CACNA2D2: variants seen among roughly 807,000 people sequenced by gnomAD.
CACNA2D2 encodes calcium voltage-gated channel auxiliary subunit alpha2delta 2.
CACNA2D2 carries 48 observed loss-of-function variants against 166.4 expected under a neutral mutation model. That is an observed-to-expected ratio of 0.29 (90% confidence interval 0.23 to 0.37). CACNA2D2 has a LOEUF of 0.37. CACNA2D2 is among the 10% of genes least tolerant of loss of function. The probability of loss-of-function intolerance (pLI) is 1.00; values close to 1 mark genes in which losing one functional copy is unlikely to be tolerated. For synonymous variants in CACNA2D2, 561 were observed against 573.7 expected (o/e 0.98, Z 0.32); for missense variants, 1,122 against 1,433.0 (o/e 0.78, Z 3.50).
intron 2 of CACNA2D2, among the ~76,000 whole-genome samples, chr3:50,451,880 G>A (rs930411136): frequency 1.3e-5 from 2 of 152,146 alleles, no homozygotes; most frequent in South Asian, 4.1e-4. Flanking sequence ...TTTGCAGGTG[G>A]GATACTGGGT....
intron 1 of CACNA2D2, among the ~76,000 whole-genome samples, chr3:50,477,857 G>T (rs1307362595): frequency 5.9e-5 from 9 of 152,120 alleles, no homozygotes; most frequent in Non-Finnish European, 1.2e-4. Flanking sequence ...GGCCAGGACT[G>T]TTCTGGCTCC....
intron 3 of CACNA2D2, among the ~76,000 whole-genome samples, chr3:50,413,468 C>T (rs956660055): frequency 6.6e-6 from 1 of 152,140 alleles, no homozygotes; most frequent in Non-Finnish European, 1.5e-5. Context: ...CAGGAGGCCT[C>T]TGGACCAAGC....
chr3:50,375,616 C>T lies in CACNA2D2; in HGVS notation c.1907+28G>A, dbSNP rs1436969168. On this transcript the variant is annotated intron_variant, in intron 21 of 37. Coordinates refer to ENST00000424201, the MANE Select transcript of CACNA2D2 (RefSeq NM_006030.4). This position sits in a 1 kb window ranked among gnomAD's most constrained non-coding sequence, Gnocchi z 4.0. ...AGATTCTGGGGCCACCCCACCCTCT[C>T]TGCCCGCCCAGCCCTGGCCTCACTT... 3 of 1,607,976 alleles carry T rather than the reference C, an allele frequency of 1.9e-6. No homozygotes were observed. Among genetic ancestry groups the T allele is most frequent in the East Asian group, 2.2e-5 (1 of 44,850 alleles).
At chr3:50,387,428 G>T in intron 5 of CACNA2D2, 140 bp downstream of exon 5, 1 of 742,540 alleles carries the variant, frequency 1.3e-6, no homozygotes. Flanking sequence ...GGGAGTTGTG[G>T]GAGGTGGAAG....
chr3:50,382,160 T>G (rs1317222561), intron 6 of CACNA2D2, among the ~76,000 whole-genome samples: 1 of 152,166 alleles, frequency 6.6e-6, no homozygotes, highest in Non-Finnish European at 1.5e-5. Context: ...TGTTCTCATG[T>G]GTGCAGTGAC....
At chr3:50,368,698 C>T (rs931207419) in intron 23 of CACNA2D2, among the ~76,000 whole-genome samples, 5 of 152,236 alleles carry the variant, frequency 3.3e-5, no homozygotes, top group African/African-American at 7.2e-5. Context: ...CTCACTCACG[C>T]TCTCTGACCC....
rs10575478 is a variant in CACNA2D2, at chr3:50,363,466, CTGTG to C, written c.*1196_*1199del. The C allele has an allele frequency of 9.0e-3, 3,090 of 343,272 alleles. No homozygotes were observed. The highest frequency in any genetic ancestry group is 0.019 in the Middle Eastern group (27 of 1,440). The allele number at this position is 343,272 out of a possible 1,614,324, so 21.3% of individuals were successfully genotyped here. On this transcript the variant is annotated 3_prime_UTR_variant, in exon 38 of 38. Coordinates refer to ENST00000424201, the MANE Select transcript of CACNA2D2 (RefSeq NM_006030.4). ...GTGAAGAGCTGTGCCCAGTCCCCAC[CTGTG>C]TGTGTGTGTGTGTGTGTGTGTTCAG...
At chr3:50,492,583 T>C (rs539606341) in intron 1 of CACNA2D2, among the ~76,000 whole-genome samples, 9 of 152,342 alleles carry the variant, frequency 5.9e-5, no homozygotes, top group East Asian at 5.8e-4. Context: ...CAGTTCTCAC[T>C]GACCCACATC....
Position 50,366,898 on chromosome 3 carries a change from A to G in CACNA2D2, c.2522T>C (p.Leu841Pro), listed in dbSNP as rs587769177. The part of the protein sequence containing the change: ...RPAVVGVKLD[L>P]EAWAEKFKVL... The stretch of plus-strand genomic sequence containing the variant: ...CTTGAACTTCTCAGCCCAAGCCTCT[A>G]GGTCCAGCTTGACGCCCACCACTTT... The change falls in exon 29 of 38, where the codon CTA becomes CCA. Residue 841 changes from leucine (L) to proline (P), a missense_variant. Leu to Pro is a moderately conservative substitution (Grantham distance 98, BLOSUM62 -3). Coordinates refer to ENST00000424201, the MANE Select transcript of CACNA2D2 (RefSeq NM_006030.4). The surrounding 1 kb of genome is among the most constrained non-coding windows in gnomAD (Gnocchi z 5.9). 2 of 1,613,668 alleles carry G rather than the reference A, an allele frequency of 1.2e-6. No homozygotes were observed. The highest frequency in any genetic ancestry group is 1.3e-5 in the African/African-American group (1 of 75,042).
chr3:50,379,579 C>A lies in CACNA2D2; in HGVS notation c.1005G>T (p.Lys335Asn). The change falls in exon 11 of 38, where the codon AAG becomes AAT. Residue 335 changes from lysine (K) to asparagine (N), a missense_variant. This residue lies in a region of CACNA2D2 where 840 missense variants were observed against 1,166.8 expected (regional missense o/e 0.72). Coordinates refer to ENST00000424201, the MANE Select transcript of CACNA2D2 (RefSeq NM_006030.4). The surrounding 1 kb of genome is among the most constrained non-coding windows in gnomAD (Gnocchi z 6.5). ...GTGTGAAGCATGACACAGGCTGTGC[C>A]TTCTCGTTGAACTGCAGGAACAGTA... ...DYVNVASFNE[K>N]AQPVSCFTHL... 6.2e-7 allele frequency: 1 copy of A among 1,613,916 alleles called. No individual in the cohort carries two copies. Among genetic ancestry groups the A allele is most frequent in the Non-Finnish European group, 8.5e-7 (1 of 1,180,026 alleles).
intron 2 of CACNA2D2, among the ~76,000 whole-genome samples, chr3:50,466,272 A>ATGTGTG (rs10678919): frequency 2.7e-4 from 41 of 149,500 alleles, no homozygotes; most frequent in African/African-American, 9.1e-4. Context: ...GTGTGTGCGC[A>ATGTGTG]TGTGTGTGTG....
At chr3:50,488,651 G>A (rs1170687561) in intron 1 of CACNA2D2, among the ~76,000 whole-genome samples, 1 of 141,026 alleles carries the variant, frequency 7.1e-6, no homozygotes, top group Non-Finnish European at 1.5e-5. Flanking sequence ...CCCCTAGCAA[G>A]AAGTGCCCAC....
intron 3 of CACNA2D2, among the ~76,000 whole-genome samples, chr3:50,415,010 C>G (rs1327095411): frequency 6.6e-6 from 1 of 152,192 alleles, no homozygotes; most frequent in Non-Finnish European, 1.5e-5. Flanking sequence ...GCCATGGGCC[C>G]GTCTTTCCTC....
At chr3:50,410,479 A>AT (rs1411477570) in intron 3 of CACNA2D2, among the ~76,000 whole-genome samples, 7 of 105,010 alleles carry the variant, frequency 6.7e-5, no homozygotes, top group African/African-American at 2.9e-4. Context: ...GCTCCCTGGG[A>AT]TGGGGGGGGG....
intron 2 of CACNA2D2, among the ~76,000 whole-genome samples, chr3:50,452,535 G>C (rs776737124): frequency 1.3e-5 from 2 of 152,180 alleles, no homozygotes. Context: ...CCTGTGAATG[G>C]GTGCAACATC....
chr3:50,487,129 A>G (rs912595464), intron 1 of CACNA2D2, among the ~76,000 whole-genome samples: 6 of 152,146 alleles, frequency 3.9e-5, no homozygotes, highest in Non-Finnish European at 5.9e-5. Flanking sequence ...CTGAACCACA[A>G]TCTGAACCCA....
Position 50,367,286 on chromosome 3 carries a change from A to G in CACNA2D2, c.2401+108T>C. 2 of 1,147,594 alleles carry G rather than the reference A, an allele frequency of 1.7e-6. No homozygotes were observed. Among genetic ancestry groups the G allele is most frequent in the South Asian group, 2.6e-5 (2 of 77,630 alleles). The allele number at this position is 1,147,594 out of a possible 1,614,324, so 71.1% of individuals were successfully genotyped here. On this transcript the variant is annotated intron_variant, in intron 27 of 37. Transcript: ENST00000424201. The surrounding 1 kb of genome is among the most constrained non-coding windows in gnomAD (Gnocchi z 6.5). ...TTTCACGTCTGCCCTGGCCTCAGCC[A>G]GCCTTGTGTTGGAGAGGGGCCTCAG...
chr3:50,459,146 G>C (rs184645432), intron 2 of CACNA2D2, among the ~76,000 whole-genome samples: 3 of 152,332 alleles, frequency 2.0e-5, no homozygotes, highest in East Asian at 3.9e-4. Flanking sequence ...TGCAAAGTGA[G>C]CTAATTACAG....
At chr3:50,501,553 G>C (rs1337648096) in intron 1 of CACNA2D2, among the ~76,000 whole-genome samples, 1 of 152,218 alleles carries the variant, frequency 6.6e-6, no homozygotes, top group Non-Finnish European at 1.5e-5. Context: ...ACTCTGGTCA[G>C]GTTCTCACAT....
Sources: allele counts gnomAD v4.1 joint callset (sites outside exome capture counted in the v4.1 genomes callset), GRCh38; gene constraint gnomAD v4.1.1; regional missense constraint gnomAD v4.1.1; non-coding constraint Gnocchi (gnomAD v3.1); transcripts MANE v1.5; gene names NCBI Gene and HGNC (gene_info 2026-07-23, HGNC 2026-07-21).